Variants in NEK5 observed in about 807,000 individuals in gnomAD.
NEK5 encodes NIMA related kinase 5, also known as serine/threonine-protein kinase Nek5.
Under a neutral mutation model 109.2 loss-of-function variants are expected in NEK5, and 88 were observed. That is an observed-to-expected ratio of 0.81 (90% CI 0.68 to 0.96). The LOEUF is 0.96. Among genes scored for constraint, NEK5 ranks in the 40% least tolerant of loss-of-function variants. The pLI is 0.00. For missense variants in NEK5, 834 were observed against 920.7 expected, an observed-to-expected ratio of 0.91 and a Z score of 1.22; for synonymous variants, 283 against 299.9, an observed-to-expected ratio of 0.94 and a Z score of 0.58.
chr13:52,063,231 CCTGA>C (rs1199390336), intron 21 of NEK5, among the ~76,000 whole-genome samples: 1 of 152,258 alleles, frequency 6.6e-6, no homozygotes, highest in Non-Finnish European at 1.5e-5. Context: ...CGTCGCCACG[CCTGA>C]CTGGTTTTCG....
chr13:52,045,582 G>A (rs1190865872), intron 23 of NEK5, among the ~76,000 whole-genome samples: 1 of 145,878 alleles, frequency 6.9e-6, no homozygotes, highest in Non-Finnish European at 1.5e-5. Flanking sequence ...TGGCTAACAA[G>A]GTGAAACCCC....
chr13:52,050,036 T>A (rs1037018115), intron 23 of NEK5, 68 bp downstream of exon 23: 1 of 488,748 alleles, frequency 2.0e-6, no homozygotes, highest in Non-Finnish European at 2.7e-6. Flanking sequence ...CTATTTTGAA[T>A]GTCTCAACTG....
intron 3 of NEK5, among the ~76,000 whole-genome samples, chr13:52,125,541 C>G (rs1242721113): frequency 6.6e-6 from 1 of 152,066 alleles, no homozygotes; most frequent in African/African-American, 2.4e-5. Context: ...CCAGCCTGGG[C>G]GACAGAGCGA....
intron 19 of NEK5, among the ~76,000 whole-genome samples, chr13:52,074,049 G>A (rs1444469909): frequency 6.6e-6 from 1 of 151,858 alleles, no homozygotes; most frequent in Non-Finnish European, 1.5e-5. Context: ...TGGCCATACT[G>A]CCCAAAGTAA....
Position 52,104,544 on chromosome 13 carries a change from C to A in NEK5, c.563G>T (p.Trp188Leu). Reference protein sequence around the residue: ...NKPYNNKTDIWSLGCVLYELC... With the variant: ...NKPYNNKTDILSLGCVLYELC... Reference sequence around the variant, plus strand: ...CTCATATAAGACACAGCCAAGAGACCAAATATCCCTAAAGAAGATAAGAGT... The same window carrying A: ...CTCATATAAGACACAGCCAAGAGACAAAATATCCCTAAAGAAGATAAGAGT... The change falls in exon 9 of 24, where the codon TGG (tryptophan) becomes TTG (leucine). Residue 188 changes from tryptophan (W) to leucine (L), a missense_variant. Coordinates refer to ENST00000684899, the MANE Select transcript of NEK5 (RefSeq NM_001365552.1). 6.2e-7 allele frequency: 1 copy of A among 1,601,032 alleles called. No homozygotes were observed. Among genetic ancestry groups the A allele is most frequent in the South Asian group, 1.1e-5 (1 of 90,764 alleles).
intron 3 of NEK5, among the ~76,000 whole-genome samples, chr13:52,123,816 G>GAT (rs1956015308): frequency 6.6e-6 from 1 of 152,154 alleles, no homozygotes; most frequent in Non-Finnish European, 1.5e-5. Flanking sequence ...GAGGATTCTG[G>GAT]AGGTATGGTA....
At chr13:52,059,815 G>A (rs1319831180) in intron 22 of NEK5, among the ~76,000 whole-genome samples, 2 of 149,690 alleles carry the variant, frequency 1.3e-5, no homozygotes, top group South Asian at 2.1e-4. Flanking sequence ...GGGGTGGGGG[G>A]ACGGGGGAGG....
chr13:52,086,790 C>T (rs1593958258), intron 15 of NEK5, among the ~76,000 whole-genome samples: 1 of 150,692 alleles, frequency 6.6e-6, no homozygotes, highest in Middle Eastern at 3.4e-3. Flanking sequence ...TTCAATATGA[C>T]TGATGTCCTT....
chr13:52,104,438 G>C, intron 9 of NEK5, 60 bp downstream of exon 9: 1 of 1,187,686 alleles, frequency 8.4e-7, no homozygotes, highest in South Asian at 1.2e-5. Flanking sequence ...TCTCCCAGAA[G>C]TTAATTTCTT....
intron 17 of NEK5, among the ~76,000 whole-genome samples, chr13:52,082,518 T>C (rs1955035462): frequency 6.6e-6 from 1 of 152,216 alleles, no homozygotes; most frequent in Non-Finnish European, 1.5e-5. Context: ...ATTCTCAGAA[T>C]TGGTTGAAAT....
chr13:52,039,433 C>T (rs565724235), intron 23 of NEK5, among the ~76,000 whole-genome samples: 28 of 152,302 alleles, frequency 1.8e-4, no homozygotes, highest in African/African-American at 6.7e-4. Flanking sequence ...GTGCTTTACA[C>T]AGATCTTTCC....
rs370260353 is a variant in NEK5, at chr13:52,098,618, A to G, written c.1026+1125T>C. 3.9e-5 allele frequency among the ~76,000 whole-genome samples: 6 copies of G among 152,214 alleles called. No homozygotes were observed. The East Asian group carries it at 9.6e-4, about 24-fold the overall frequency. ...AAATATCAATTATTATATCATAAAAACTTCTCAATCCTATACATAATATGT... is the reference window on the plus strand; with the variant it reads ...AAATATCAATTATTATATCATAAAAGCTTCTCAATCCTATACATAATATGT... On this transcript the variant is annotated intron_variant, in intron 12 of 23. Transcript: ENST00000684899.
intron 22 of NEK5, among the ~76,000 whole-genome samples, chr13:52,057,549 A>G (rs1326767795): frequency 6.6e-6 from 1 of 152,106 alleles, no homozygotes; most frequent in Admixed American, 6.6e-5. Context: ...AAAATCCTCA[A>G]TAAAATACTG....
chr13:52,103,288 G>A (rs921544365), intron 9 of NEK5, among the ~76,000 whole-genome samples: 11 of 152,126 alleles, frequency 7.2e-5, no homozygotes, highest in South Asian at 2.1e-4. Context: ...AAAATTAGCC[G>A]GGTGTGGTGG....
intron 21 of NEK5, chr13:52,065,166 A>G: frequency 4.6e-6 from 2 of 439,306 alleles, no homozygotes; most frequent in Non-Finnish European, 8.1e-6. Flanking sequence ...AAATCGCAAA[A>G]AAAGTTGTTG....
At position 52,087,415 on chromosome 13, in the gene NEK5, T is replaced by C. The variant is rs1955171382; in HGVS notation, c.1315A>G (p.Arg439Gly). 6.2e-7 allele frequency: 1 copy of C among 1,611,690 alleles called. No individual in the cohort carries two copies. Among genetic ancestry groups the C allele is most frequent in the Non-Finnish European group, 8.5e-7 (1 of 1,178,294 alleles). ...TCTCCATTACTTCTTAGCTCTTGTC[T>C]CTGGTTGTAATTTGGCTCGGCAGAA... ...PSSAEPNYNQRQELRSNGEEP... is the reference protein window; with the variant it reads ...PSSAEPNYNQGQELRSNGEEP... The change falls in exon 15 of 24, where the codon AGA becomes GGA. Residue 439 changes from arginine to glycine, a missense_variant. Transcript: ENST00000684899.
intron 19 of NEK5, among the ~76,000 whole-genome samples, chr13:52,075,163 C>T (rs1226296751): frequency 6.6e-6 from 1 of 152,186 alleles, no homozygotes; most frequent in Admixed American, 6.5e-5. Flanking sequence ...CAAAAAGACA[C>T]ATATACTCAC....
In NEK5 at chr13:52,122,627, C is replaced by A. The variant is rs150674552; in HGVS notation, c.118-3212G>T. 5.7e-3 allele frequency among the ~76,000 whole-genome samples: 865 copies of A among 152,192 alleles called. 4 individuals are homozygous for A. The highest frequency in any genetic ancestry group is 0.02 in the African/African-American group (835 of 41,528). On this transcript the variant is annotated intron_variant, in intron 3 of 23. Coordinates refer to ENST00000684899, the MANE Select transcript of NEK5 (RefSeq NM_001365552.1). The stretch of plus-strand genomic sequence containing the variant: ...ACTAAAAATACAAAAATTAGCCAGG[C>A]ATGGTGGCATGCGCCTGTAGTCCCA...
chr13:52,125,313 C>T (rs1956043714), intron 3 of NEK5, among the ~76,000 whole-genome samples: 1 of 152,182 alleles, frequency 6.6e-6, no homozygotes, highest in African/African-American at 2.4e-5. Context: ...CCTGTAATCC[C>T]AGCACTTTGG....
Sources: gnomAD v4.1 joint callset for allele counts (sites outside exome capture counted in the v4.1 genomes callset) on GRCh38, gnomAD v4.1.1 for gene constraint, MANE v1.5 for transcripts, NCBI Gene and HGNC (gene_info 2026-07-23, HGNC 2026-07-21) for gene names.